Variants in RGS9 observed in about 807,000 individuals in gnomAD.
RGS9 encodes regulator of G protein signaling 9, also known as regulator of G-protein signalling 9.
Under a neutral mutation model 102.0 loss-of-function variants are expected in RGS9, and 78 were observed. That is an observed-to-expected ratio of 0.76 (90% CI 0.64 to 0.92). The LOEUF (loss-of-function observed/expected upper bound fraction) is 0.92, where lower values mean the gene tolerates loss of function less well. RGS9 is among the 40% of genes least tolerant of loss of function. The probability of loss-of-function intolerance (pLI) is 0.00; values close to 1 mark genes in which losing one functional copy is unlikely to be tolerated. For missense variants in RGS9, 833 were observed against 866.1 expected (o/e 0.96, Z 0.48); for synonymous variants, 353 against 318.6 (o/e 1.11, Z -1.15).
At chr17:65,163,629 G>A (rs544428666) in intron 7 of RGS9, among the ~76,000 whole-genome samples, 3 of 152,316 alleles carry the variant, frequency 2.0e-5, no homozygotes, top group Non-Finnish European at 4.4e-5. Flanking sequence ...TGAGATGAGG[G>A]CCACCTGGCT....
intron 6 of RGS9, among the ~76,000 whole-genome samples, chr17:65,161,529 G>A (rs1197287099): frequency 1.2e-4 from 18 of 152,102 alleles, no homozygotes; most frequent in Non-Finnish European, 1.5e-5. Flanking sequence ...TGGGATTACA[G>A]GTGTGAGCCA....
intron 6 of RGS9, 61 bp downstream of exon 6, chr17:65,160,970 A>G: frequency 1.5e-6 from 2 of 1,376,968 alleles, no homozygotes; most frequent in South Asian, 1.2e-5. Flanking sequence ...TTTGAGCTGT[A>G]CTTTCCTCAT....
At chr17:65,164,021 T>C (rs575576600) in intron 7 of RGS9, among the ~76,000 whole-genome samples, 1 of 152,302 alleles carries the variant, frequency 6.6e-6, no homozygotes, top group Non-Finnish European at 1.5e-5. Context: ...ATATCAGAAC[T>C]GGAACTGGAA....
At chr17:65,203,866 C>A (rs1474323734) in intron 14 of RGS9, among the ~76,000 whole-genome samples, 2 of 152,166 alleles carry the variant, frequency 1.3e-5, no homozygotes, top group Admixed American at 1.3e-4. Flanking sequence ...GAGTTCTTCA[C>A]CCTCATGGCC....
At chr17:65,153,563 A>G (rs1381082822) in intron 2 of RGS9, 45 bp downstream of exon 2, 2 of 1,462,248 alleles carry the variant, frequency 1.4e-6, no homozygotes, top group Non-Finnish European at 1.9e-6. Context: ...TAGACCCCAC[A>G]GGCCCAATAC....
chr17:65,185,874 A>G (rs1598597599), intron 9 of RGS9, among the ~76,000 whole-genome samples: 1 of 152,356 alleles, frequency 6.6e-6, no homozygotes, highest in Admixed American at 6.5e-5. Context: ...GCATGGCAGA[A>G]AGTCCTGCAA....
intron 8 of RGS9, among the ~76,000 whole-genome samples, chr17:65,175,880 G>A (rs968476531): frequency 1.3e-5 from 2 of 152,174 alleles, no homozygotes; most frequent in African/African-American, 4.8e-5. Context: ...TATGTAAAAT[G>A]TATTTTGTAT....
chr17:65,183,107 T>TCTATCCATCTAC (rs1244331226), intron 9 of RGS9, among the ~76,000 whole-genome samples: 1 of 120,242 alleles, frequency 8.3e-6, no homozygotes, highest in African/African-American at 2.6e-5. Flanking sequence ...TATCTATCTA[T>TCTATCCATCTAC]CTACCTACCT....
intron 17 of RGS9, among the ~76,000 whole-genome samples, chr17:65,218,387 C>T (rs1367578028): frequency 2.0e-5 from 3 of 152,194 alleles, no homozygotes; most frequent in Admixed American, 6.5e-5. Context: ...CCTTAAACAT[C>T]GCTAAATGAA....
intron 17 of RGS9, among the ~76,000 whole-genome samples, chr17:65,219,300 G>C (rs938391977): frequency 6.6e-6 from 1 of 152,236 alleles, no homozygotes; most frequent in Non-Finnish European, 1.5e-5. Flanking sequence ...ATGTTTGGTA[G>C]TGAAGGGACT....
intron 7 of RGS9, among the ~76,000 whole-genome samples, chr17:65,165,449 T>A (rs1226566152): frequency 2.0e-5 from 3 of 151,986 alleles, no homozygotes; most frequent in African/African-American, 7.2e-5. Context: ...CAAAACGTGG[T>A]TGACCATGTA....
Position 65,145,561 on chromosome 17 carries a change from T to A in RGS9, c.58-7861T>A, listed in dbSNP as rs1427390259. 8.3e-3 allele frequency among the ~76,000 whole-genome samples: 1,042 copies of A among 126,282 alleles called. 14 individuals carry two copies. Among genetic ancestry groups the A allele is most frequent in the African/African-American group, 0.038 (975 of 25,702 alleles). The allele number at this position is 126,282 out of a possible 152,430, so 82.8% of individuals were successfully genotyped here. A position where few individuals can be genotyped will look rare whatever the true frequency, so the allele number is the denominator to read the frequency against. ...CACCACTCCTGGCTATTTTTTTTTT[T>A]TTTAATATATTTTTAATAGAGATGA... On this transcript the variant is annotated intron_variant, in intron 1 of 18. Coordinates refer to ENST00000262406, the MANE Select transcript of RGS9 (RefSeq NM_003835.4).
At chr17:65,149,699 CA>C (rs1910505437) in intron 1 of RGS9, among the ~76,000 whole-genome samples, 2 of 152,170 alleles carry the variant, frequency 1.3e-5, no homozygotes. Flanking sequence ...GCATACATAA[CA>C]TATATCTCTC....
intron 9 of RGS9, among the ~76,000 whole-genome samples, chr17:65,181,375 T>C (rs1229510352): frequency 6.6e-6 from 1 of 152,240 alleles, no homozygotes; most frequent in Admixed American, 6.5e-5. Flanking sequence ...TTGATTTGCA[T>C]TTCGAGAATG....
At chr17:65,207,125 G>A (rs943663809) in intron 15 of RGS9, among the ~76,000 whole-genome samples, 3 of 152,126 alleles carry the variant, frequency 2.0e-5, no homozygotes, top group African/African-American at 7.2e-5. Flanking sequence ...TCTACGCGTT[G>A]GTTGTTTTTG....
At chr17:65,222,614 G>C (rs8066191) in intron 17 of RGS9, among the ~76,000 whole-genome samples, 2 of 152,074 alleles carry the variant, frequency 1.3e-5, no homozygotes, top group Non-Finnish European at 2.9e-5. Context: ...ATACATCTAC[G>C]AGCCACCCTT....
At chr17:65,197,882 G>A (rs1246549294) in intron 13 of RGS9, among the ~76,000 whole-genome samples, 2 of 151,976 alleles carry the variant, frequency 1.3e-5, no homozygotes, top group African/African-American at 2.4e-5. Context: ...TATTGGCCAC[G>A]CTGGTCTGAA....
rs1307387912 is a variant in RGS9, at chr17:65,222,398, C to T, written c.1408-2604C>T. ...ACATAGCCTGACTGGGAGTGACTAC[C>T]CCATCACATTTATGGTTCACGTGTA... On this transcript the variant is annotated intron_variant, in intron 17 of 18. Transcript: ENST00000262406. Among the ~76,000 whole-genome samples, 3 of 152,174 alleles carry T rather than the reference C, an allele frequency of 2.0e-5. No homozygotes were observed. The South Asian group carries it at 6.2e-4, about 32-fold the overall frequency.
intron 14 of RGS9, among the ~76,000 whole-genome samples, chr17:65,203,280 C>T (rs1420288966): frequency 6.6e-6 from 1 of 151,806 alleles, no homozygotes; most frequent in Non-Finnish European, 1.5e-5. Context: ...AATGGGGGTG[C>T]GGGTGGGGTG....
Sources: allele counts gnomAD v4.1 joint callset (sites outside exome capture counted in the v4.1 genomes callset), GRCh38; gene constraint gnomAD v4.1.1; transcripts MANE v1.5; gene names NCBI Gene and HGNC (gene_info 2026-07-23, HGNC 2026-07-21).